Variants in PPFIBP2 observed in about 807,000 individuals in gnomAD.
PPFIBP2 encodes PPFIB scaffold protein 2.
Under a neutral mutation model 118.3 loss-of-function variants are expected in PPFIBP2, and 118 were observed. The ratio of observed to expected loss-of-function variants is 1.00; its 90% CI spans 0.86 to 1.16. The LOEUF (loss-of-function observed/expected upper bound fraction) is 1.16, where lower values mean the gene tolerates loss of function less well. PPFIBP2 is among the 50% of genes most tolerant of loss of function. The pLI, the probability that PPFIBP2 is intolerant of heterozygous loss-of-function variation, is 0.00. For synonymous variants in PPFIBP2, 414 were observed against 397.4 expected (o/e 1.04, Z -0.50); for missense variants, 1,195 against 1,073.1 (o/e 1.11, Z -1.59).
intron 3 of PPFIBP2, among the ~76,000 whole-genome samples, chr11:7,585,408 T>C: frequency 6.6e-6 from 1 of 152,202 alleles, no homozygotes; most frequent in East Asian, 1.9e-4. Flanking sequence ...CCTGTTGTGA[T>C]CTAGCCCTTG....
chr11:7,516,358 C>G lies in PPFIBP2; in HGVS notation c.-37+2237C>G, dbSNP rs531855819. ...CTTCGGAGAGATAGAATCTGTAGGA[C>G]AGAGGACTAGGGAATGGGACAGTCT... On this transcript the variant is annotated intron_variant, in intron 1 of 23. Coordinates refer to ENST00000299492, the MANE Select transcript of PPFIBP2 (RefSeq NM_003621.5). Among the ~76,000 whole-genome samples, 31 of 152,034 alleles carry G rather than the reference C, an allele frequency of 2.0e-4. 1 individual carries two copies. The Middle Eastern group carries it at 0.017, about 83-fold the overall frequency.
At chr11:7,618,590 CT>C (rs1848963802) in intron 6 of PPFIBP2, among the ~76,000 whole-genome samples, 1 of 152,212 alleles carries the variant, frequency 6.6e-6, no homozygotes, top group Non-Finnish European at 1.5e-5. Context: ...CAATAATGTC[CT>C]CAGAGAATGA....
intron 15 of PPFIBP2, chr11:7,641,051 G>C: frequency 3.1e-6 from 4 of 1,282,830 alleles, no homozygotes; most frequent in Non-Finnish European, 4.1e-6. Flanking sequence ...CGGAGTGTCA[G>C]TGCCCCCGTA....
At chr11:7,660,636 TG>T (rs546801289), downstream of PPFIBP2, among the ~76,000 whole-genome samples, 3,239 of 151,696 alleles carry the variant, frequency 0.021, 47 homozygotes, top group Middle Eastern at 0.054. Context: ...TGCCAGGTTT[TG>T]GTATCAGAAT....
In PPFIBP2 at chr11:7,565,614, C is replaced by G. The variant is rs775429140; in HGVS notation, c.126C>G (p.Ala42=). The change falls in exon 3 of 24, where the codon GCC becomes GCG. Residue 42 remains alanine (A), a synonymous_variant. Coordinates refer to ENST00000299492, the MANE Select transcript of PPFIBP2 (RefSeq NM_003621.5). The part of the protein sequence containing the change: ...GTCEPGLASP[A]SYMNPFPVLH... ...GTGAGCCTGGACTGGCTTCCCCGGCCTCCTACATGAACCCCTTCCCGGTGC... is the reference window on the plus strand; with the variant it reads ...GTGAGCCTGGACTGGCTTCCCCGGCGTCCTACATGAACCCCTTCCCGGTGC... 7 of 1,614,108 alleles carry G rather than the reference C, an allele frequency of 4.3e-6. No homozygotes were observed. Among genetic ancestry groups the G allele is most frequent in the Non-Finnish European group, 5.9e-6 (7 of 1,180,046 alleles).
intron 2 of PPFIBP2, among the ~76,000 whole-genome samples, chr11:7,563,310 G>A (rs760655754): frequency 3.9e-5 from 6 of 152,206 alleles, no homozygotes; most frequent in East Asian, 1.9e-4. Context: ...GCTTCTGTCC[G>A]TTTTCTTCCC....
chr11:7,657,122 A>T (rs913826795), downstream of PPFIBP2: 5 of 240,802 alleles, frequency 2.1e-5, no homozygotes, highest in Admixed American at 4.8e-5. Flanking sequence ...ATTCCTGGTG[A>T]CAGCCTGGAG....
At chr11:7,607,538 G>A (rs1053426005) in intron 5 of PPFIBP2, among the ~76,000 whole-genome samples, 1 of 152,116 alleles carries the variant, frequency 6.6e-6, no homozygotes, top group Non-Finnish European at 1.5e-5. Context: ...AGGTGTTCAA[G>A]TACTCAATAG....
chr11:7,597,326 T>TA, intron 4 of PPFIBP2: 2 of 1,535,652 alleles, frequency 1.3e-6, no homozygotes, highest in Non-Finnish European at 1.7e-6. Context: ...TCAAGAGCAG[T>TA]AAACGTGACC....
At chr11:7,660,926 T>G (rs1402581127), downstream of PPFIBP2, among the ~76,000 whole-genome samples, 12 of 151,620 alleles carry the variant, frequency 7.9e-5, no homozygotes, top group South Asian at 4.2e-4. Flanking sequence ...TTTTCTAGTT[T>G]ATTTGCGTAG....
In PPFIBP2 at chr11:7,632,709, A is replaced by G. The variant is rs940093116; in HGVS notation, c.1069-158A>G. On this transcript the variant is annotated intron_variant, in intron 11 of 23. Coordinates refer to ENST00000299492, the MANE Select transcript of PPFIBP2 (RefSeq NM_003621.5). The stretch of plus-strand genomic sequence containing the variant: ...TGATAAGCCTACCACACCCCCTTGC[A>G]TCTTGAAAGAGCAAGGCATCTATAA... The G allele has an allele frequency of 2.4e-5, 14 of 590,556 alleles. 1 individual carries two copies. The highest frequency in any genetic ancestry group is 4.0e-5 in the Non-Finnish European group (13 of 323,346). 36.6% of individuals were successfully genotyped at this position (590,556 alleles called of 1,614,324 possible).
intron 15 of PPFIBP2, among the ~76,000 whole-genome samples, chr11:7,640,357 A>G (rs1273513752): frequency 6.6e-6 from 1 of 152,136 alleles, no homozygotes; most frequent in Non-Finnish European, 1.5e-5. Flanking sequence ...CCTTAGGCAA[A>G]TGAAGTCAGT....
downstream of PPFIBP2, among the ~76,000 whole-genome samples, chr11:7,657,407 G>C (rs572550259): frequency 6.6e-6 from 1 of 152,080 alleles, no homozygotes; most frequent in Non-Finnish European, 1.5e-5. Context: ...GTATCTGTGC[G>C]ACTCCCAGCT....
In PPFIBP2 at chr11:7,649,574, C is replaced by T. The variant is rs758304381; in HGVS notation, c.2041C>T (p.Leu681Phe). 2 of 1,614,208 alleles carry T rather than the reference C, an allele frequency of 1.2e-6. No homozygotes were observed. The highest frequency in any genetic ancestry group is 1.7e-5 in the Admixed American group (1 of 60,026). Residue 681 changes from leucine (L) to phenylalanine (F), a missense_variant, in exon 21 of 24, where the codon CTC (leucine) becomes TTC (phenylalanine). Physicochemically the swap from Leu to Phe is conservative, Grantham distance 22 (BLOSUM62 0). Transcript: ENST00000299492. ...FLKVTSQLHH[L>F]SIKCAIHVLH... ...AAAAGTCACCAGCCAACTACATCAT[C>T]TCAGCATCAAATGTGCCATTCACGT...
chr11:7,514,953 C>G (rs1363418808), intron 1 of PPFIBP2, among the ~76,000 whole-genome samples: 10 of 152,236 alleles, frequency 6.6e-5, no homozygotes, highest in Non-Finnish European at 8.8e-5. Context: ...CTTCGTCTCT[C>G]TCCTTTCTCA....
chr11:7,638,791 G>A (rs7130123), intron 14 of PPFIBP2, among the ~76,000 whole-genome samples: 118,535 of 152,168 alleles, frequency 0.78, 46,369 homozygotes, highest in African/African-American at 0.84. Context: ...AGAGGCCATT[G>A]TATGCCTCTT....
At chr11:7,653,879 G>A, downstream of PPFIBP2, 4 of 994,276 alleles carry the variant, frequency 4.0e-6, no homozygotes, top group Middle Eastern at 1.4e-3. Context: ...TCAGCCAGGT[G>A]CATGCTCAGG....
chr11:7,634,632 C>T, intron 13 of PPFIBP2, 80 bp downstream of exon 13: 2 of 1,065,062 alleles, frequency 1.9e-6, no homozygotes, highest in East Asian at 4.7e-5. Flanking sequence ...ACAGGCAGGT[C>T]CTGGTCCCTA....
intron 3 of PPFIBP2, among the ~76,000 whole-genome samples, chr11:7,589,086 A>G (rs969527333): frequency 6.6e-6 from 1 of 152,244 alleles, no homozygotes; most frequent in Non-Finnish European, 1.5e-5. Context: ...TTGTAGCAAT[A>G]ACCATCAGAA....
Sources: gnomAD v4.1 joint callset for allele counts (sites outside exome capture counted in the v4.1 genomes callset) on GRCh38, gnomAD v4.1.1 for gene constraint, MANE v1.5 for transcripts, NCBI Gene and HGNC (gene_info 2026-07-23, HGNC 2026-07-21) for gene names.